GRIK4: variants seen among roughly 807,000 people sequenced by gnomAD.
The protein encoded by GRIK4 is glutamate receptor ionotropic, kainate 4.
Under a neutral mutation model 104.9 loss-of-function variants are expected in GRIK4, and 40 were observed. The observed-to-expected ratio is 0.38, with a 90% CI of 0.30 to 0.50. The LOEUF (loss-of-function observed/expected upper bound fraction) is 0.50, where lower values mean the gene tolerates loss of function less well. GRIK4 is among the 20% of genes least tolerant of loss of function. The pLI is 0.93. For missense variants in GRIK4, 1,047 were observed against 1,308.1 expected (o/e 0.80, Z 3.08); for synonymous variants, 485 against 524.9 (o/e 0.92, Z 1.04).
At chr11:120,835,676 A>G (rs745628594) in intron 7 of GRIK4, among the ~76,000 whole-genome samples, 1 of 152,216 alleles carries the variant, frequency 6.6e-6, no homozygotes, top group Non-Finnish European at 1.5e-5. Context: ...CGGGTCTCCC[A>G]GTGGCCCAGG....
chr11:120,607,389 G>A (rs916901891), intron 1 of GRIK4, among the ~76,000 whole-genome samples: 1 of 152,194 alleles, frequency 6.6e-6, no homozygotes, highest in Non-Finnish European at 1.5e-5. Flanking sequence ...GAGGCCGGGA[G>A]AAGGCCTTCA....
At chr11:120,581,674 G>A (rs989696261) in intron 1 of GRIK4, among the ~76,000 whole-genome samples, 11 of 151,704 alleles carry the variant, frequency 7.3e-5, no homozygotes, top group African/African-American at 2.7e-4. Context: ...GCCTTTTTGC[G>A]ACGGGCTTAT....
At chr11:120,922,913 C>T (rs1943254549) in intron 13 of GRIK4, among the ~76,000 whole-genome samples, 1 of 152,234 alleles carries the variant, frequency 6.6e-6, no homozygotes, top group Admixed American at 6.5e-5. Flanking sequence ...AATGCAAAGG[C>T]CCAGATCCTT....
chr11:120,934,662 A>C (rs1376365233), intron 13 of GRIK4, among the ~76,000 whole-genome samples: 1 of 152,218 alleles, frequency 6.6e-6, no homozygotes, highest in East Asian at 1.9e-4. Context: ...AGGAGATAAA[A>C]GAGGGGATCT....
chr11:120,919,767 G>T (rs370885272), intron 13 of GRIK4, among the ~76,000 whole-genome samples: 4 of 152,280 alleles, frequency 2.6e-5, no homozygotes, highest in African/African-American at 9.6e-5. Context: ...TTCAACAGGC[G>T]TTTCAGAGGT....
chr11:120,986,598 TTGG>T lies in GRIK4; in HGVS notation c.*342_*344del, dbSNP rs1169379063. On this transcript the variant is annotated 3_prime_UTR_variant, in exon 21 of 21. Coordinates refer to ENST00000527524, the MANE Select transcript of GRIK4 (RefSeq NM_014619.5). ...TCCCTACCCAGACCAGTCCAATGAA[TTGG>T]TGGAATCATCAGTTGAATTTCCCCC... is the stretch of plus-strand genomic sequence containing the variant. 4 of 224,894 alleles carry T rather than the reference TTGG, an allele frequency of 1.8e-5. No homozygotes were observed. 13.9% of individuals were successfully genotyped at this position (224,894 alleles called of 1,614,324 possible).
chr11:120,879,319 G>C (rs1954900579), intron 11 of GRIK4, among the ~76,000 whole-genome samples: 1 of 152,158 alleles, frequency 6.6e-6, no homozygotes, highest in Non-Finnish European at 1.5e-5. Context: ...TGACCAGCTG[G>C]GCTGGGCGTT....
intron 1 of GRIK4, among the ~76,000 whole-genome samples, chr11:120,647,229 T>A (rs1949556499): frequency 6.6e-6 from 1 of 152,222 alleles, no homozygotes; most frequent in Non-Finnish European, 1.5e-5. Context: ...TTTTCCAGTT[T>A]GTGGGAAAAT....
intron 14 of GRIK4, among the ~76,000 whole-genome samples, chr11:120,944,343 C>T (rs1943804734): frequency 1.3e-5 from 2 of 152,140 alleles, no homozygotes; most frequent in Admixed American, 1.3e-4. Context: ...ACCCTGGCTG[C>T]TCCCCTGAGT....
chr11:120,799,762 T>A (rs1269754311), intron 3 of GRIK4, among the ~76,000 whole-genome samples: 1 of 152,252 alleles, frequency 6.6e-6, no homozygotes, highest in African/African-American at 2.4e-5. Flanking sequence ...CCAGTGTCTG[T>A]CCAACTCATG....
intron 3 of GRIK4, among the ~76,000 whole-genome samples, chr11:120,683,161 GAATGAGTGTA>G (rs902932599): frequency 9.2e-5 from 14 of 152,256 alleles, no homozygotes; most frequent in Non-Finnish European, 1.8e-4. Flanking sequence ...ACCGATAGAT[GAATGAGTGTA>G]AAGCTAAAAA....
chr11:120,661,579 A>G (rs543217578), intron 3 of GRIK4, among the ~76,000 whole-genome samples: 21 of 152,326 alleles, frequency 1.4e-4, no homozygotes, highest in South Asian at 2.1e-4. Context: ...AATTCCTCCA[A>G]TTGCATTCAG....
chr11:120,753,379 G>A (rs1951596048), intron 3 of GRIK4, among the ~76,000 whole-genome samples: 1 of 151,640 alleles, frequency 6.6e-6, no homozygotes, highest in South Asian at 2.1e-4. Flanking sequence ...GAATTAGGGT[G>A]GGAAAATCAA....
At chr11:120,894,547 T>C (rs1287925493) in intron 11 of GRIK4, 2 of 152,296 alleles carry the variant, frequency 1.3e-5, no homozygotes, top group Non-Finnish European at 2.9e-5. Flanking sequence ...TTCTCCTCCT[T>C]CACTGCAACC....
At position 120,967,377 on chromosome 11, in the gene GRIK4, T is replaced by C. The variant is rs1944402828; in HGVS notation, c.2395+54T>C. ...TGCCCTAGAGGACCAAAGTAGCTTG[T>C]TTCTCGTGTTCAAATTCCAGGTACA... On this transcript the variant is annotated intron_variant, in intron 19 of 20. Coordinates refer to ENST00000527524, the MANE Select transcript of GRIK4 (RefSeq NM_014619.5). This position sits in a 1 kb window ranked among gnomAD's most constrained non-coding sequence, Gnocchi z 4.2. 9.1e-6 allele frequency: 14 copies of C among 1,546,714 alleles called. No homozygotes were observed. Among genetic ancestry groups the C allele is most frequent in the Non-Finnish European group, 1.2e-5 (14 of 1,143,262 alleles).
intron 8 of GRIK4, among the ~76,000 whole-genome samples, chr11:120,841,301 C>T (rs936084974): frequency 9.2e-5 from 14 of 152,162 alleles, no homozygotes; most frequent in African/African-American, 3.4e-4. Flanking sequence ...TGGCAACCAC[C>T]ATTCTAATTT....
At chr11:120,724,255 C>A (rs1591836958) in intron 3 of GRIK4, among the ~76,000 whole-genome samples, 1 of 152,122 alleles carries the variant, frequency 6.6e-6, no homozygotes, top group African/African-American at 2.4e-5. Context: ...CTCAAGCGAT[C>A]CTCCTTACTC....
chr11:120,806,828 T>C (rs1952721437), intron 4 of GRIK4, among the ~76,000 whole-genome samples: 1 of 152,184 alleles, frequency 6.6e-6, no homozygotes, highest in African/African-American at 2.4e-5. Context: ...CCTCGTCTGA[T>C]GGTTGAAGGC....
At chr11:120,579,169 G>A (rs1368952974) in intron 1 of GRIK4, among the ~76,000 whole-genome samples, 1 of 152,174 alleles carries the variant, frequency 6.6e-6, no homozygotes, top group African/African-American at 2.4e-5. Context: ...ATGGTGGAGT[G>A]GGGACAGCCA....
Sources: allele counts gnomAD v4.1 joint callset (sites outside exome capture counted in the v4.1 genomes callset), GRCh38; gene constraint gnomAD v4.1.1; non-coding constraint Gnocchi (gnomAD v3.1); transcripts MANE v1.5; gene names NCBI Gene and HGNC (gene_info 2026-07-23, HGNC 2026-07-21).